Variants in INPP5A observed in about 807,000 individuals in gnomAD.
INPP5A encodes inositol polyphosphate-5-phosphatase A, also known as 43 kDa inositol polyphosphate 5-phophatase.
Under a neutral mutation model 65.2 loss-of-function variants are expected in INPP5A, and 14 were observed. The observed-to-expected ratio is 0.21, with a 90% CI of 0.14 to 0.34. The LOEUF (loss-of-function observed/expected upper bound fraction) is 0.34, where lower values mean the gene tolerates loss of function less well. Ranked by LOEUF, INPP5A falls within the 10% of genes least tolerant of loss-of-function variation. INPP5A has a pLI of 1.00. For missense variants in INPP5A, 431 were observed against 545.6 expected, an observed-to-expected ratio of 0.79 and a Z score of 2.09; for synonymous variants, 207 against 208.3, an observed-to-expected ratio of 0.99 and a Z score of 0.05.
At chr10:132,684,790 C>G (rs985340281) in intron 4 of INPP5A, among the ~76,000 whole-genome samples, 8 of 152,210 alleles carry the variant, frequency 5.3e-5, no homozygotes, top group African/African-American at 1.7e-4. Flanking sequence ...ATGTTTGCCA[C>G]TGGCCCTCAC....
intron 2 of INPP5A, among the ~76,000 whole-genome samples, chr10:132,636,803 G>C (rs1309898826): frequency 7.2e-5 from 11 of 152,200 alleles, no homozygotes; most frequent in Admixed American, 7.2e-4. Context: ...AATCGCCCTT[G>C]GTTCAGGCCT....
intron 8 of INPP5A, among the ~76,000 whole-genome samples, chr10:132,717,929 A>G (rs1319381763): frequency 4.3e-3 from 193 of 44,892 alleles, no homozygotes; most frequent in East Asian, 4.6e-3. Flanking sequence ...CTGTCTGGGC[A>G]CCTTAGACGG....
At chr10:132,716,323 T>C (rs781531644) in intron 8 of INPP5A, among the ~76,000 whole-genome samples, 2 of 152,208 alleles carry the variant, frequency 1.3e-5, no homozygotes, top group Non-Finnish European at 2.9e-5. Context: ...CAGGCACGGA[T>C]GTTTCTGTAC....
At chr10:132,596,937 ATGTGTG>A (rs2071705849) in intron 1 of INPP5A, among the ~76,000 whole-genome samples, 2 of 25,372 alleles carry the variant, frequency 7.9e-5, no homozygotes, top group African/African-American at 2.6e-4. Flanking sequence ...ATGTGCACGC[ATGTGTG>A]CGTGTGTGCA....
At chr10:132,711,455 G>A (rs1053509016) in intron 8 of INPP5A, among the ~76,000 whole-genome samples, 2 of 149,522 alleles carry the variant, frequency 1.3e-5, no homozygotes, top group African/African-American at 4.9e-5. Flanking sequence ...ACAGTGCTCC[G>A]TCAGCTTGGG....
At chr10:132,609,075 T>C (rs1332317312) in intron 2 of INPP5A, among the ~76,000 whole-genome samples, 1 of 152,244 alleles carries the variant, frequency 6.6e-6, no homozygotes, top group Non-Finnish European at 1.5e-5. Context: ...GGCGTGTGTG[T>C]GCACGTGTGT....
At chr10:132,552,073 G>A (rs377749280) in intron 1 of INPP5A, among the ~76,000 whole-genome samples, 2 of 152,252 alleles carry the variant, frequency 1.3e-5, no homozygotes, top group Non-Finnish European at 2.9e-5. Flanking sequence ...ATTTATGGGC[G>A]CATTCTCAGA....
intron 4 of INPP5A, among the ~76,000 whole-genome samples, chr10:132,667,779 G>A (rs2072826527): frequency 6.6e-6 from 1 of 152,152 alleles, no homozygotes; most frequent in Non-Finnish European, 1.5e-5. Flanking sequence ...GGGGCCGTGT[G>A]CGCTGCCCGG....
At chr10:132,646,110 CAA>C (rs1380567946) in intron 3 of INPP5A, 142 bp downstream of exon 3, 2 of 644,900 alleles carry the variant, frequency 3.1e-6, no homozygotes, top group Non-Finnish European at 5.5e-6. Context: ...CTCAGTTTTC[CAA>C]AGAGAGGAGT....
At chr10:132,647,989 G>A (rs1328920524) in intron 3 of INPP5A, among the ~76,000 whole-genome samples, 4 of 152,180 alleles carry the variant, frequency 2.6e-5, no homozygotes, top group African/African-American at 9.7e-5. Context: ...TTTGAACTAA[G>A]CATTTGCTTA....
intron 1 of INPP5A, among the ~76,000 whole-genome samples, chr10:132,592,593 G>C (rs2133316154): frequency 6.6e-6 from 1 of 152,310 alleles, no homozygotes; most frequent in East Asian, 1.9e-4. Flanking sequence ...TTTTAGTAGA[G>C]ATGGGGTTTT....
At chr10:132,664,455 G>C (rs2072776922) in intron 4 of INPP5A, among the ~76,000 whole-genome samples, 1 of 152,216 alleles carries the variant, frequency 6.6e-6, no homozygotes, top group Admixed American at 6.5e-5. Context: ...GAGGGCACCT[G>C]ACCTGCTCTT....
intron 2 of INPP5A, among the ~76,000 whole-genome samples, chr10:132,619,446 A>G (rs1475769895): frequency 2.0e-5 from 3 of 152,126 alleles, no homozygotes; most frequent in African/African-American, 4.8e-5. Context: ...GACTGCTCTC[A>G]TGGGTTGGAG....
chr10:132,593,389 T>A (rs1169583852), intron 1 of INPP5A, among the ~76,000 whole-genome samples: 1 of 152,208 alleles, frequency 6.6e-6, no homozygotes, highest in Non-Finnish European at 1.5e-5. Context: ...TGAAGAACTT[T>A]TCAGTAAACT....
At chr10:132,709,416 A>C (rs920976482) in intron 7 of INPP5A, among the ~76,000 whole-genome samples, 8 of 135,342 alleles carry the variant, frequency 5.9e-5, no homozygotes, top group African/African-American at 2.2e-4. Flanking sequence ...GGGGGAGAGA[A>C]AGAGGAAGAA....
chr10:132,758,434 G>T (rs1375384109), intron 11 of INPP5A, among the ~76,000 whole-genome samples: 1 of 148,816 alleles, frequency 6.7e-6, no homozygotes, highest in Non-Finnish European at 1.5e-5. Context: ...TGGGTCCTTG[G>T]CTGACCCCAC....
chr10:132,764,349 G>A (rs569851683), intron 11 of INPP5A, among the ~76,000 whole-genome samples: 5 of 152,024 alleles, frequency 3.3e-5, no homozygotes, highest in East Asian at 3.9e-4. Flanking sequence ...CATGGTGACC[G>A]CACAGGAACA....
chr10:132,577,101 C>T (rs769430903), intron 1 of INPP5A, among the ~76,000 whole-genome samples: 23 of 152,164 alleles, frequency 1.5e-4, no homozygotes, highest in Non-Finnish European at 2.5e-4. Flanking sequence ...GGCTGAGGCT[C>T]AGCAGAATGA....
intron 7 of INPP5A, among the ~76,000 whole-genome samples, chr10:132,709,383 AAG>A (rs1430485221): frequency 9.3e-6 from 1 of 107,672 alleles, no homozygotes; most frequent in Non-Finnish European, 1.9e-5. Context: ...GGGGAGGGGG[AAG>A]AGAGGAGGAG....
Sources: allele counts gnomAD v4.1 joint callset (sites outside exome capture counted in the v4.1 genomes callset), GRCh38; gene constraint gnomAD v4.1.1; transcripts MANE v1.5; gene names NCBI Gene and HGNC (gene_info 2026-07-23, HGNC 2026-07-21).